EVI5: variants seen among roughly 807,000 people sequenced by gnomAD.
EVI5 encodes ecotropic viral integration site 5 protein homolog.
EVI5 carries 73 observed loss-of-function variants against 112.0 expected under a neutral mutation model. The observed-to-expected ratio is 0.65, with a 90% CI of 0.54 to 0.79. EVI5 has a LOEUF of 0.79. Among genes scored for constraint, EVI5 ranks in the 30% least tolerant of loss-of-function variants. The pLI is 0.00. For missense variants in EVI5, 900 were observed against 968.8 expected, an observed-to-expected ratio of 0.93 and a Z score of 0.94; for synonymous variants, 305 against 319.9, an observed-to-expected ratio of 0.95 and a Z score of 0.50.
At chr1:92,790,638 C>G (rs1686025795) in intron 1 of EVI5, among the ~76,000 whole-genome samples, 1 of 151,690 alleles carries the variant, frequency 6.6e-6, no homozygotes, top group South Asian at 2.1e-4. Flanking sequence ...GCTATGGCCT[C>G]CATGCACTGG....
At chr1:92,676,145 G>A (rs966841901) in intron 10 of EVI5, among the ~76,000 whole-genome samples, 2 of 151,888 alleles carry the variant, frequency 1.3e-5, no homozygotes, top group Non-Finnish European at 1.5e-5. Context: ...AGAACCTCTA[G>A]AAAAGGGAGG....
At chr1:92,588,606 T>C (rs1183134867) in intron 18 of EVI5, among the ~76,000 whole-genome samples, 1 of 152,242 alleles carries the variant, frequency 6.6e-6, no homozygotes. Flanking sequence ...TTTCACACCA[T>C]AAGATTTATT....
intron 2 of EVI5, among the ~76,000 whole-genome samples, chr1:92,735,837 TATA>T (rs1677331757): frequency 6.9e-6 from 1 of 144,742 alleles, no homozygotes; most frequent in African/African-American, 2.5e-5. Context: ...TATAATCTAT[TATA>T]ATATATATTA....
intron 13 of EVI5, among the ~76,000 whole-genome samples, chr1:92,643,059 T>C (rs375379083): frequency 3.3e-5 from 5 of 152,150 alleles, no homozygotes; most frequent in African/African-American, 1.2e-4. Flanking sequence ...TCAGGAAAAG[T>C]TGTCCAACAT....
chr1:92,658,620 T>C (rs1323104716), intron 13 of EVI5, among the ~76,000 whole-genome samples: 1 of 152,128 alleles, frequency 6.6e-6, no homozygotes, highest in East Asian at 1.9e-4. Context: ...TGCTCATGGA[T>C]TGGAAGAATC....
chr1:92,696,646 A>G (rs540418626), intron 6 of EVI5, among the ~76,000 whole-genome samples: 14 of 152,060 alleles, frequency 9.2e-5, no homozygotes, highest in Admixed American at 3.9e-4. Flanking sequence ...GTCTCAGGAA[A>G]AAAAAAAAAA....
chr1:92,598,886 G>A (rs557033158), intron 18 of EVI5, among the ~76,000 whole-genome samples: 12 of 152,168 alleles, frequency 7.9e-5, no homozygotes, highest in African/African-American at 2.7e-4. Context: ...CAGGGTGGTG[G>A]AGGAGGCATT....
At position 92,607,703 on chromosome 1, in the gene EVI5, G is replaced by C; in HGVS notation, c.1852C>G (p.Arg618Gly). ...CTAATCACCTCTTGTTCTGCTCTTCGAAGATGGTTACTATTGATCTGGTTC... is the reference window on the plus strand; with the variant it reads ...CTAATCACCTCTTGTTCTGCTCTTCCAAGATGGTTACTATTGATCTGGTTC... ...TQNQINSNHL[R>G]RAEQEVISLQ... Residue 618 changes from arginine to glycine, a missense_variant, in exon 17 of 20, where the codon CGA becomes GGA. Arg to Gly is a moderately radical substitution (Grantham distance 125, BLOSUM62 -2). Transcript: ENST00000684568. The C allele has an allele frequency of 2.5e-6, 4 of 1,601,988 alleles. No homozygotes were observed. The highest frequency in any genetic ancestry group is 3.4e-6 in the Non-Finnish European group (4 of 1,174,558).
chr1:92,596,404 T>A (rs563471865), intron 18 of EVI5, among the ~76,000 whole-genome samples: 1 of 152,148 alleles, frequency 6.6e-6, no homozygotes, highest in African/African-American at 2.4e-5. Flanking sequence ...CCAAAACCAA[T>A]ATCTCCTATG....
In EVI5 at chr1:92,624,239, T is replaced by C. The variant is rs766460077; in HGVS notation, c.1764A>G (p.Arg588=). The part of the protein sequence containing the change: ...LQDELMTIRL[R]EAETQAEIRE... Reference sequence around the variant, plus strand: ...TTATTTCTGCTTGTGTTTCAGCTTCTCTAAGTCGAATGGTCATCAGTTCAT... The same window carrying C: ...TTATTTCTGCTTGTGTTTCAGCTTCCCTAAGTCGAATGGTCATCAGTTCAT... The change falls in exon 16 of 20, where the codon AGA becomes AGG. Residue 588 remains arginine (R), a synonymous_variant. Transcript: ENST00000684568. 9.9e-6 allele frequency: 16 copies of C among 1,613,590 alleles called. No homozygotes were observed. The highest frequency in any genetic ancestry group is 5.1e-6 in the Non-Finnish European group (6 of 1,179,674).
chr1:92,705,349 T>C (rs1671799085), intron 2 of EVI5, among the ~76,000 whole-genome samples: 1 of 152,238 alleles, frequency 6.6e-6, no homozygotes, highest in African/African-American at 2.4e-5. Flanking sequence ...ACTTTATTTA[T>C]AATTCTAGAT....
chr1:92,537,730 TTTC>T (rs1158616463), intron 19 of EVI5, among the ~76,000 whole-genome samples: 1 of 151,912 alleles, frequency 6.6e-6, no homozygotes, highest in African/African-American at 2.4e-5. Context: ...GAGGTCATGA[TTTC>T]TTCATTACTT....
chr1:92,590,291 A>G (rs1463571626), intron 18 of EVI5, among the ~76,000 whole-genome samples: 2 of 152,180 alleles, frequency 1.3e-5, no homozygotes, highest in Non-Finnish European at 2.9e-5. Context: ...TTGAGAGAAG[A>G]AGGCTTCAGA....
intron 19 of EVI5, among the ~76,000 whole-genome samples, chr1:92,526,803 T>C (rs376801149): frequency 1.3e-5 from 2 of 152,120 alleles, no homozygotes; most frequent in East Asian, 3.9e-4. Flanking sequence ...TCAAAACATA[T>C]AGAATGTACA....
intron 14 of EVI5, among the ~76,000 whole-genome samples, chr1:92,627,941 A>G (rs1656045019): frequency 6.6e-6 from 1 of 152,008 alleles, no homozygotes; most frequent in African/African-American, 2.4e-5. Flanking sequence ...GGCGCCGGCC[A>G]CCATGCCTGG....
At chr1:92,561,666 A>ATCTATCTATCT (rs1557790996) in intron 19 of EVI5, among the ~76,000 whole-genome samples, 5 of 109,506 alleles carry the variant, frequency 4.6e-5, no homozygotes, top group African/African-American at 1.4e-4. Flanking sequence ...TCTATCTATC[A>ATCTATCTATCT]GAGTCTCACT....
At chr1:92,620,030 T>C (rs1000917240) in intron 16 of EVI5, among the ~76,000 whole-genome samples, 4 of 151,888 alleles carry the variant, frequency 2.6e-5, no homozygotes, top group Non-Finnish European at 5.9e-5. Context: ...GAAGGGAGCA[T>C]GAGAAGAAAT....
intron 19 of EVI5, among the ~76,000 whole-genome samples, chr1:92,533,312 A>C (rs1176925691): frequency 1.3e-5 from 2 of 152,170 alleles, no homozygotes; most frequent in Non-Finnish European, 2.9e-5. Context: ...ACCAACCAAA[A>C]AAAGTCCAGG....
At chr1:92,519,251 C>A (rs975239440) in intron 19 of EVI5, among the ~76,000 whole-genome samples, 6 of 152,110 alleles carry the variant, frequency 3.9e-5, no homozygotes, top group Non-Finnish European at 8.8e-5. Context: ...AGGGAATCAT[C>A]CCTAGGGTAA....
Sources: gnomAD v4.1 joint callset for allele counts (sites outside exome capture counted in the v4.1 genomes callset) on GRCh38, gnomAD v4.1.1 for gene constraint, MANE v1.5 for transcripts, NCBI Gene and HGNC (gene_info 2026-07-23, HGNC 2026-07-21) for gene names.